PTPRT: variants seen among roughly 807,000 people sequenced by gnomAD.
The protein encoded by PTPRT is receptor-type tyrosine-protein phosphatase T.
A neutral mutation model predicts 176.8 loss-of-function variants in PTPRT; 56 were observed. That is an observed-to-expected ratio of 0.32 (90% CI 0.26 to 0.40). PTPRT has a LOEUF of 0.40. PTPRT is among the 10% of genes least tolerant of loss of function. The pLI is 1.00. For missense variants in PTPRT, 1,540 were observed against 1,908.2 expected, an observed-to-expected ratio of 0.81 and a Z score of 3.60; for synonymous variants, 783 against 739.0, an observed-to-expected ratio of 1.06 and a Z score of -0.96.
intron 1 of PTPRT, among the ~76,000 whole-genome samples, chr20:42,957,250 G>A (rs1185876976): frequency 2.6e-5 from 4 of 152,256 alleles, no homozygotes; most frequent in East Asian, 3.9e-4. Context: ...GTGGCAGTAC[G>A]CAGCAGTACA....
intron 7 of PTPRT, among the ~76,000 whole-genome samples, chr20:42,589,199 C>T (rs78306923): frequency 0.025 from 3,733 of 152,276 alleles, 158 homozygotes; most frequent in African/African-American, 0.085. Context: ...GCCCATCAGA[C>T]TGGTTGGCAC....
chr20:42,530,755 G>A (rs1056525557), intron 7 of PTPRT, among the ~76,000 whole-genome samples: 2 of 152,214 alleles, frequency 1.3e-5, no homozygotes, highest in Non-Finnish European at 2.9e-5. Flanking sequence ...ATAGAGCGGG[G>A]AGATTCAGGC....
chr20:42,375,259 G>C (rs112684481), intron 9 of PTPRT, among the ~76,000 whole-genome samples: 1 of 152,188 alleles, frequency 6.6e-6, no homozygotes, highest in Non-Finnish European at 1.5e-5. Context: ...ATACAAGGAA[G>C]AGTGAGACAC....
intron 1 of PTPRT, among the ~76,000 whole-genome samples, chr20:43,022,898 A>AT (rs1985754853): frequency 1.3e-5 from 2 of 152,150 alleles, no homozygotes; most frequent in Non-Finnish European, 2.9e-5. Context: ...ACCTGCAGGG[A>AT]TTTAAAGGGA....
Position 42,345,580 on chromosome 20 carries a change from A to ATG in PTPRT, c.1865+5047_1865+5048insCA, listed in dbSNP as rs1474978839. Among the ~76,000 whole-genome samples the ATG allele has an allele frequency of 2.8e-3, 243 of 86,444 alleles. 3 individuals are homozygous for ATG. Among genetic ancestry groups the ATG allele is most frequent in the South Asian group, 7.6e-3 (17 of 2,240 alleles). 56.7% of individuals were successfully genotyped at this position (86,444 alleles called of 152,430 possible). A position where few individuals can be genotyped will look rare whatever the true frequency, so the allele number is the denominator to read the frequency against. The stretch of plus-strand genomic sequence containing the variant: ...CACACACATATATATACATACATAT[A>ATG]TATGTGTGTGTGTGTGTGTGTGTGT... On this transcript the variant is annotated intron_variant, in intron 11 of 30. Coordinates refer to ENST00000373187, the MANE Select transcript of PTPRT (RefSeq NM_007050.6).
rs1243055231 is a variant in PTPRT at position 42,199,224 on chromosome 20, T to C, written c.2491+16A>G. The C allele has an allele frequency of 5.6e-6, 9 of 1,613,094 alleles. No individual in the cohort carries two copies. Among genetic ancestry groups the C allele is most frequent in the Non-Finnish European group, 7.6e-6 (9 of 1,179,308 alleles). ...GGACCACGGATGTCCCCTTCCCCTT[T>C]GTTGGCTCTACTTACTGAATCCGTT... On this transcript the variant is annotated intron_variant, in intron 16 of 30. Transcript: ENST00000373187.
intron 11 of PTPRT, among the ~76,000 whole-genome samples, chr20:42,349,453 T>C (rs917867561): frequency 6.6e-6 from 1 of 152,208 alleles, no homozygotes. Context: ...CTTATGCGTA[T>C]CTCCACAACG....
chr20:42,986,210 AAATGGG>A (rs1983567386), intron 1 of PTPRT, among the ~76,000 whole-genome samples: 2 of 152,242 alleles, frequency 1.3e-5, no homozygotes, highest in South Asian at 4.1e-4. Context: ...AGGCCACAGG[AAATGGG>A]AGCGGCCTCA....
rs752959997 is a variant in PTPRT, at chr20:42,379,915, G to A, written c.1561-27630C>T. ...AGGCAGTCAGAGCATTTTCTCATGG[G>A]CTTTCAAAAGGCCTGTTGCAGAGGG... is the stretch of plus-strand genomic sequence containing the variant. On this transcript the variant is annotated intron_variant, in intron 9 of 30. Coordinates refer to ENST00000373187, the MANE Select transcript of PTPRT (RefSeq NM_007050.6). Among the ~76,000 whole-genome samples the A allele has an allele frequency of 4.6e-5, 7 of 152,244 alleles. 1 individual carries two copies. The Middle Eastern group carries it at 0.014, about 296-fold the overall frequency.
chr20:42,108,403 G>GATA (rs1337249574), intron 23 of PTPRT, among the ~76,000 whole-genome samples: 5 of 151,390 alleles, frequency 3.3e-5, no homozygotes, highest in African/African-American at 1.2e-4. Flanking sequence ...AAATGATGTT[G>GATA]ATAATAATTA....
intron 2 of PTPRT, among the ~76,000 whole-genome samples, chr20:42,812,710 T>C (rs972337336): frequency 7.9e-5 from 12 of 152,160 alleles, no homozygotes; most frequent in African/African-American, 2.9e-4. Context: ...ACATGTTGCC[T>C]TGGGCAAGTT....
intron 15 of PTPRT, among the ~76,000 whole-genome samples, chr20:42,213,688 A>G (rs191613673): frequency 1.3e-5 from 2 of 152,202 alleles, no homozygotes; most frequent in Admixed American, 1.3e-4. Flanking sequence ...GCCACATGAC[A>G]ACAAAGGTGG....
At chr20:42,489,455 C>T (rs6030274) in intron 7 of PTPRT, among the ~76,000 whole-genome samples, 19,483 of 151,968 alleles carry the variant, frequency 0.13, 2,911 homozygotes, top group African/African-American at 0.37. Flanking sequence ...GCGGGTTAAG[C>T]CATCAGATTT....
chr20:42,285,170 A>G (rs1010790554), intron 12 of PTPRT, among the ~76,000 whole-genome samples: 2 of 152,102 alleles, frequency 1.3e-5, no homozygotes, highest in South Asian at 4.1e-4. Context: ...GTTTTGGTTT[A>G]AAGAGCTTGA....
At chr20:42,438,708 C>T (rs138380679) in intron 9 of PTPRT, among the ~76,000 whole-genome samples, 2 of 152,164 alleles carry the variant, frequency 1.3e-5, no homozygotes, top group African/African-American at 2.4e-5. Context: ...CATGCAGCAA[C>T]CTTTATTGTT....
chr20:42,499,639 G>A (rs1391091319), intron 7 of PTPRT, among the ~76,000 whole-genome samples: 1 of 152,086 alleles, frequency 6.6e-6, no homozygotes, highest in Non-Finnish European at 1.5e-5. Flanking sequence ...GGTAGCAAAT[G>A]ATAAAATAGA....
chr20:42,059,987 A>G, the PTPRT span, among the ~76,000 whole-genome samples: 1 of 152,144 alleles, frequency 6.6e-6, no homozygotes, highest in African/African-American at 2.4e-5. Flanking sequence ...CCTTAATTCT[A>G]ATAGTCAAAT....
At chr20:42,199,148 C>G in intron 16 of PTPRT, 92 bp downstream of exon 16, 1 of 1,461,390 alleles carries the variant, frequency 6.8e-7, no homozygotes, top group Non-Finnish European at 9.3e-7. Context: ...CTATGCCTGG[C>G]AGCACCTGAT....
chr20:42,875,968 C>T (rs564783318), intron 2 of PTPRT, among the ~76,000 whole-genome samples: 2 of 152,322 alleles, frequency 1.3e-5, no homozygotes, highest in Admixed American at 1.3e-4. Context: ...GTACCTGACA[C>T]ATAGTAAGCA....
Sources: gnomAD v4.1 joint callset for allele counts (sites outside exome capture counted in the v4.1 genomes callset) on GRCh38, gnomAD v4.1.1 for gene constraint, MANE v1.5 for transcripts, NCBI Gene and HGNC (gene_info 2026-07-23, HGNC 2026-07-21) for gene names.